GALNS: variants seen among roughly 807,000 people sequenced by gnomAD.
GALNS encodes N-acetylgalactosamine-6-sulfatase.
Under a neutral mutation model 65.9 loss-of-function variants are expected in GALNS, and 65 were observed. That is an observed-to-expected ratio of 0.99 (90% confidence interval 0.81 to 1.21). GALNS has a LOEUF of 1.21. GALNS is among the 50% of genes most tolerant of loss of function. The probability of loss-of-function intolerance (pLI) is 0.00; values close to 1 mark genes in which losing one functional copy is unlikely to be tolerated. For synonymous variants in GALNS, 346 were observed against 288.9 expected, an observed-to-expected ratio of 1.20 and a Z score of -2.00; for missense variants, 776 against 700.7, an observed-to-expected ratio of 1.11 and a Z score of -1.21.
chr16:88,817,153 G>A (rs1308031847), intron 13 of GALNS: 1 of 985,356 alleles, frequency 1.0e-6, no homozygotes, highest in Non-Finnish European at 1.2e-6. Context: ...CGGGATGGCT[G>A]GGCCGTCCAC....
At chr16:88,819,428 G>C (rs1909974504) in intron 12 of GALNS, among the ~76,000 whole-genome samples, 2 of 152,240 alleles carry the variant, frequency 1.3e-5, no homozygotes, top group African/African-American at 4.8e-5. Flanking sequence ...GTTTCTGCAG[G>C]ATTCTGTGGC....
In GALNS at chr16:88,841,907, A is replaced by G. The variant is rs113859389; in HGVS notation, c.309T>C (p.His103=). 1.1e-5 allele frequency: 17 copies of G among 1,613,308 alleles called. No homozygotes were observed. The African/African-American group carries it at 1.1e-4, about 10-fold the overall frequency. The change falls in exon 3 of 14, where the codon CAT becomes CAC. Residue 103 remains histidine, a synonymous_variant. Transcript: ENST00000268695. ...IRNGFYTTNA[H]ARNAYTPQEI... is the part of the protein sequence containing the mutation. ...CGGTGGGCAGCCTACCGTTTCTGGCATGGGCGTTGGTGGTGTAGAAGCCAT... is the reference window on the plus strand; with the variant it reads ...CGGTGGGCAGCCTACCGTTTCTGGCGTGGGCGTTGGTGGTGTAGAAGCCAT...
chr16:88,849,908 C>T (rs1329327697), intron 1 of GALNS, among the ~76,000 whole-genome samples: 1 of 152,202 alleles, frequency 6.6e-6, no homozygotes, highest in East Asian at 1.9e-4. Flanking sequence ...GGCTCAGTGG[C>T]ACCTAGTCAC....
chr16:88,841,870 T>G, intron 3 of GALNS, 27 bp downstream of exon 3: 1 of 1,600,580 alleles, frequency 6.2e-7, no homozygotes, highest in Non-Finnish European at 8.5e-7. Flanking sequence ...ACCCCAAGGG[T>G]GTCCCTGGAG....
intron 12 of GALNS, among the ~76,000 whole-genome samples, chr16:88,821,109 C>T (rs1567515860): frequency 6.6e-6 from 1 of 152,166 alleles, no homozygotes; most frequent in Non-Finnish European, 1.5e-5. Flanking sequence ...ATCTCGGCAC[C>T]CCCACAACAT....
At chr16:88,828,449 C>T (rs908198507) in intron 9 of GALNS, among the ~76,000 whole-genome samples, 1 of 152,214 alleles carries the variant, frequency 6.6e-6, no homozygotes, top group African/African-American at 2.4e-5. Context: ...ACTCAGAATC[C>T]AGGGCTGCAG....
At chr16:88,837,224 G>C (rs2143002124) in intron 5 of GALNS, among the ~76,000 whole-genome samples, 1 of 152,276 alleles carries the variant, frequency 6.6e-6, no homozygotes, top group South Asian at 2.1e-4. Flanking sequence ...TCCTGGTGTG[G>C]CTCCCAGTGG....
intron 4 of GALNS, among the ~76,000 whole-genome samples, chr16:88,839,125 C>CAAA (rs1912447131): frequency 6.6e-6 from 1 of 151,272 alleles, no homozygotes; most frequent in Non-Finnish European, 1.5e-5. Flanking sequence ...CCGCAGGTCA[C>CAAA]CGCCCAACCA....
intron 9 of GALNS, among the ~76,000 whole-genome samples, chr16:88,831,085 C>T (rs2142998539): frequency 6.6e-6 from 1 of 152,318 alleles, no homozygotes; most frequent in East Asian, 1.9e-4. Flanking sequence ...CAGTCATTAC[C>T]AGCACCCACG....
At chr16:88,819,206 C>A (rs1354356989) in intron 12 of GALNS, among the ~76,000 whole-genome samples, 4 of 151,656 alleles carry the variant, frequency 2.6e-5, no homozygotes, top group African/African-American at 9.7e-5. Context: ...CGGCCACCTG[C>A]CCCAGCCTCT....
At chr16:88,833,595 G>A (rs1423317096) in intron 8 of GALNS, among the ~76,000 whole-genome samples, 1 of 152,082 alleles carries the variant, frequency 6.6e-6, no homozygotes, top group Admixed American at 6.6e-5. Context: ...GGGACTACAG[G>A]TGCCCGCCAC....
intron 1 of GALNS, among the ~76,000 whole-genome samples, chr16:88,851,617 G>A (rs181496692): frequency 6.6e-5 from 10 of 152,296 alleles, no homozygotes; most frequent in South Asian, 2.1e-4. Context: ...AAGGGAAGCC[G>A]TGACAGACTG....
chr16:88,849,158 A>G (rs938780437), intron 1 of GALNS, among the ~76,000 whole-genome samples: 5 of 152,222 alleles, frequency 3.3e-5, no homozygotes, highest in Non-Finnish European at 7.3e-5. Context: ...TCTGACAAAC[A>G]GGCTGAAGTA....
intron 8 of GALNS, among the ~76,000 whole-genome samples, chr16:88,833,723 T>G (rs1911767184): frequency 6.6e-6 from 1 of 152,200 alleles, no homozygotes; most frequent in Non-Finnish European, 1.5e-5. Flanking sequence ...GTGCTGGGAT[T>G]ACAGGTGTGA....
chr16:88,839,646 C>A (rs1460847152), intron 4 of GALNS, among the ~76,000 whole-genome samples: 1 of 152,250 alleles, frequency 6.6e-6, no homozygotes, highest in Non-Finnish European at 1.5e-5. Flanking sequence ...GACCCCCCCA[C>A]CTGACTGAGC....
Position 88,856,758 on chromosome 16 carries a change from G to C in GALNS, c.120C>G (p.Asp40Glu). 1.4e-6 allele frequency: 2 copies of C among 1,452,940 alleles called. No homozygotes were observed. Among genetic ancestry groups the C allele is most frequent in the Non-Finnish European group, 1.8e-6 (2 of 1,093,266 alleles). The allele number at this position is 1,452,940 out of a possible 1,614,324, so 90.0% of individuals were successfully genotyped here. ...GCCCCGTCCCACCGCCCGCACTCAC[G>C]TCGTCCATGAGCAGGAGCAGGATGT... Reference protein sequence around the residue: ...PPNILLLLMDDMGWGDLGVYG... With the variant: ...PPNILLLLMDEMGWGDLGVYG... The change falls in exon 1 of 14, where the codon GAC (aspartate) becomes GAG (glutamate). Residue 40 changes from aspartate (D) to glutamate (E), a missense_variant and splice_region_variant. Coordinates refer to ENST00000268695, the MANE Select transcript of GALNS (RefSeq NM_000512.5).
At chr16:88,855,560 T>C (rs967693465) in intron 1 of GALNS, 1 of 693,962 alleles carries the variant, frequency 1.4e-6, no homozygotes, top group Admixed American at 2.0e-5. Context: ...GAAAAGCAGC[T>C]GCCCAGGACT....
chr16:88,856,712 T>G lies in GALNS; in HGVS notation c.120+46A>C, dbSNP rs534472993. ...CTCCTCCCTCCATCCGCCCCTCCCCTCCCCGCCCCACCCCGGCCCTGCCCC... is the reference window on the plus strand; with the variant it reads ...CTCCTCCCTCCATCCGCCCCTCCCCGCCCCGCCCCACCCCGGCCCTGCCCC... On this transcript the variant is annotated intron_variant, in intron 1 of 13. Coordinates refer to ENST00000268695, the MANE Select transcript of GALNS (RefSeq NM_000512.5). 14,852 of 428,058 alleles carry G rather than the reference T, an allele frequency of 0.035. 266 individuals carry two copies. The highest frequency in any genetic ancestry group is 0.06 in the African/African-American group (2,532 of 42,518). 26.5% of individuals were successfully genotyped at this position (428,058 alleles called of 1,614,324 possible). A position where few individuals can be genotyped will look rare whatever the true frequency, so the allele number is the denominator to read the frequency against.
intron 1 of GALNS, chr16:88,855,628 A>C (rs939837701): frequency 4.8e-6 from 3 of 618,954 alleles, no homozygotes; most frequent in Admixed American, 5.9e-5. Context: ...CTTTTCAAGT[A>C]TATCTTTATG....
Sources: allele counts gnomAD v4.1 joint callset (sites outside exome capture counted in the v4.1 genomes callset), GRCh38; gene constraint gnomAD v4.1.1; transcripts MANE v1.5; gene names NCBI Gene and HGNC (gene_info 2026-07-23, HGNC 2026-07-21).